STAM: variants seen among roughly 807,000 people sequenced by gnomAD.
The protein encoded by STAM is signal transducing adapter molecule 1.
A neutral mutation model predicts 63.4 loss-of-function variants in STAM; 16 were observed. That is an observed-to-expected ratio of 0.25 (90% CI 0.17 to 0.38). STAM has a LOEUF of 0.38. Among genes scored for constraint, STAM ranks in the 10% least tolerant of loss-of-function variants. The probability of loss-of-function intolerance (pLI) is 1.00; values close to 1 mark genes in which losing one functional copy is unlikely to be tolerated. For missense variants in STAM, 636 were observed against 657.1 expected (o/e 0.97, Z 0.35); for synonymous variants, 238 against 223.9 (o/e 1.06, Z -0.56).
chr10:17,679,024 A>G (rs1554824973), intron 2 of STAM, among the ~76,000 whole-genome samples: 1 of 152,152 alleles, frequency 6.6e-6, no homozygotes, highest in African/African-American at 2.4e-5. Flanking sequence ...TCTTTCGTTG[A>G]TGGACATTTG....
chr10:17,714,233 A>T (rs1193863947), intron 13 of STAM, among the ~76,000 whole-genome samples: 1 of 152,112 alleles, frequency 6.6e-6, no homozygotes, highest in Non-Finnish European at 1.5e-5. Context: ...ACCACTTGAC[A>T]CACGATACAT....
intron 2 of STAM, among the ~76,000 whole-genome samples, chr10:17,678,462 C>G (rs561815583): frequency 1.3e-5 from 2 of 152,088 alleles, no homozygotes; most frequent in African/African-American, 4.8e-5. Context: ...CCATGTTGGC[C>G]AGGCTGGTCT....
intron 1 of STAM, among the ~76,000 whole-genome samples, chr10:17,652,293 C>T (rs1833771759): frequency 6.6e-6 from 1 of 152,012 alleles, no homozygotes. Flanking sequence ...AATTGTGCCA[C>T]TGATTTTGAT....
At chr10:17,673,262 T>C (rs61842297) in intron 2 of STAM, among the ~76,000 whole-genome samples, 1 of 152,230 alleles carries the variant, frequency 6.6e-6, no homozygotes, top group Non-Finnish European at 1.5e-5. Flanking sequence ...ATTAACTACA[T>C]TTTATGAAAG....
At position 17,700,257 on chromosome 10, in the gene STAM, C is replaced by T. The variant is rs948819489; in HGVS notation, c.890C>T (p.Pro297Leu). Residue 297 changes from proline (P) to leucine (L), a missense_variant, in exon 9 of 14, where the codon CCG (proline) becomes CTG (leucine). Around this residue, in one of 3 missense-constraint regions of STAM, gnomAD observed 532 missense variants for 536.9 expected, o/e 0.99. Coordinates refer to ENST00000377524, the MANE Select transcript of STAM (RefSeq NM_003473.4). Reference sequence around the variant, plus strand: ...CAGGTAGAGACAATAGAACCAGAGCCGGAACCAGCCTTTATTGATGAAGTA... The same window carrying T: ...CAGGTAGAGACAATAGAACCAGAGCTGGAACCAGCCTTTATTGATGAAGTA... ...DVQVETIEPEPEPAFIDEDKM... is the reference protein window; with the variant it reads ...DVQVETIEPELEPAFIDEDKM... 4 of 1,608,156 alleles carry T rather than the reference C, an allele frequency of 2.5e-6. No homozygotes were observed. The highest frequency in any genetic ancestry group is 1.1e-5 in the South Asian group (1 of 90,040).
At chr10:17,650,975 G>A (rs1312984570) in intron 1 of STAM, among the ~76,000 whole-genome samples, 1 of 144,152 alleles carries the variant, frequency 6.9e-6, no homozygotes, top group Admixed American at 7.3e-5. Flanking sequence ...TGAGGCAGGA[G>A]AATAGCGTGA....
rs972245041 is a variant in STAM at position 17,644,288 on chromosome 10, C to T, written c.-52C>T. On this transcript the variant is annotated 5_prime_UTR_variant, in exon 1 of 14. Transcript: ENST00000377524. ...TCTTCCATCCTACGTCGAGCTCTGA[C>T]TCCCGTGCTGTCGAGAGGGAGTCCC... The T allele has an allele frequency of 2.5e-6, 4 of 1,607,682 alleles. No individual in the cohort carries two copies. The African/African-American group carries it at 4.0e-5, about 16-fold the overall frequency.
Position 17,708,846 on chromosome 10 carries a change from G to A in STAM, c.1280G>A (p.Ser427Asn), listed in dbSNP as rs1193533978. The stretch of plus-strand genomic sequence containing the variant: ...AACGCGCAGATGAGCCACCTCCAGA[G>A]CTACAGTCTTCCCCCGGAGCAGCTG... The part of the protein sequence containing the change: ...AGNAQMSHLQ[S>N]YSLPPEQLSS... Residue 427 changes from serine to asparagine, a missense_variant, in exon 13 of 14, where the codon AGC (serine) becomes AAC (asparagine). Ser to Asn is a conservative substitution (Grantham distance 46). Around this residue, in one of 3 missense-constraint regions of STAM, gnomAD observed 532 missense variants for 536.9 expected, o/e 0.99. Transcript: ENST00000377524. 1.2e-6 allele frequency: 2 copies of A among 1,614,192 alleles called. No homozygotes were observed. Among genetic ancestry groups the A allele is most frequent in the Non-Finnish European group, 1.7e-6 (2 of 1,180,030 alleles).
chr10:17,677,661 G>A (rs1834909366), intron 2 of STAM, among the ~76,000 whole-genome samples: 1 of 152,114 alleles, frequency 6.6e-6, no homozygotes. Flanking sequence ...TACAAAATCA[G>A]TAAAGTAGAA....
chr10:17,683,385 C>T (rs987429717), intron 2 of STAM, among the ~76,000 whole-genome samples: 2 of 152,112 alleles, frequency 1.3e-5, no homozygotes, highest in Admixed American at 6.5e-5. Context: ...TGGTCCCAAA[C>T]TTCCGGACTC....
At chr10:17,651,530 T>A (rs951347479) in intron 1 of STAM, among the ~76,000 whole-genome samples, 6 of 152,274 alleles carry the variant, frequency 3.9e-5, no homozygotes, top group South Asian at 4.1e-4. Context: ...GAACTTGTAT[T>A]CTTTGATTCT....
At chr10:17,689,374 G>A (rs1466033921) in intron 5 of STAM, among the ~76,000 whole-genome samples, 6 of 152,240 alleles carry the variant, frequency 3.9e-5, no homozygotes, top group Admixed American at 6.5e-5. Context: ...AGACCTACAT[G>A]TGCTTTCTTC....
chr10:17,674,384 G>A (rs1343917189), intron 2 of STAM, among the ~76,000 whole-genome samples: 1 of 152,152 alleles, frequency 6.6e-6, no homozygotes, highest in East Asian at 1.9e-4. Flanking sequence ...GGTCTGTCAT[G>A]AAGTTGTAGT....
At chr10:17,675,593 A>G (rs1444963220) in intron 2 of STAM, among the ~76,000 whole-genome samples, 1 of 152,124 alleles carries the variant, frequency 6.6e-6, no homozygotes, top group Non-Finnish European at 1.5e-5. Flanking sequence ...AACTATGTTT[A>G]TGTCACAGTT....
chr10:17,705,484 C>G (rs926295827), intron 11 of STAM, 104 bp from the exon 12 acceptor site: 1 of 1,282,580 alleles, frequency 7.8e-7, no homozygotes. Context: ...ATAATGTCTA[C>G]TAGTACTACT....
At position 17,644,313 on chromosome 10, in the gene STAM, C is replaced by T. The variant is rs1429728722; in HGVS notation, c.-27C>T. ...CTCCCGTGCTGTCGAGAGGGAGTCC[C>T]CGGGGACACCTCGGCACGCAGCGGA... is the stretch of plus-strand genomic sequence containing the variant. On this transcript the variant is annotated 5_prime_UTR_variant, in exon 1 of 14. Coordinates refer to ENST00000377524, the MANE Select transcript of STAM (RefSeq NM_003473.4). The T allele has an allele frequency of 3.7e-6, 6 of 1,613,930 alleles. No homozygotes were observed. The highest frequency in any genetic ancestry group is 5.1e-6 in the Non-Finnish European group (6 of 1,179,992).
intron 2 of STAM, among the ~76,000 whole-genome samples, chr10:17,664,019 A>G (rs1393770568): frequency 6.6e-6 from 1 of 152,014 alleles, no homozygotes; most frequent in Non-Finnish European, 1.5e-5. Flanking sequence ...ATATATTAGT[A>G]TTATATATTA....
chr10:17,668,844 A>G (rs1343863980), intron 2 of STAM, among the ~76,000 whole-genome samples: 1 of 152,114 alleles, frequency 6.6e-6, no homozygotes, highest in Non-Finnish European at 1.5e-5. Flanking sequence ...GATGTTCTAC[A>G]GTTTGTTTAT....
At chr10:17,646,649 T>C (rs575572055) in intron 1 of STAM, among the ~76,000 whole-genome samples, 1 of 152,356 alleles carries the variant, frequency 6.6e-6, no homozygotes, top group African/African-American at 2.4e-5. Flanking sequence ...TGCTCAGGTT[T>C]TGGTATTGGA....
Sources: allele counts gnomAD v4.1 joint callset (sites outside exome capture counted in the v4.1 genomes callset), GRCh38; gene constraint gnomAD v4.1.1; regional missense constraint gnomAD v4.1.1; transcripts MANE v1.5; gene names NCBI Gene and HGNC (gene_info 2026-07-23, HGNC 2026-07-21).